Variants in ZNF503 observed in about 807,000 individuals in gnomAD.
The protein encoded by ZNF503 is NocA-like zinc finger 2.
ZNF503 carries 15 observed loss-of-function variants against 34.4 expected under a neutral mutation model. The observed-to-expected ratio is 0.44, with a 90% CI of 0.29 to 0.67. ZNF503 has a LOEUF of 0.67. Ranked by LOEUF, ZNF503 falls within the 30% of genes least tolerant of loss-of-function variation. ZNF503 has a pLI of 0.13. For missense variants in ZNF503, 1,007 were observed against 926.8 expected, an observed-to-expected ratio of 1.09 and a Z score of -1.12; for synonymous variants, 580 against 456.8, an observed-to-expected ratio of 1.27 and a Z score of -3.44.
chr10:75,391,100 T>TG, the ZNF503 span, among the ~76,000 whole-genome samples: 10 of 152,152 alleles, frequency 6.6e-5, no homozygotes, highest in Admixed American at 1.3e-4. Flanking sequence ...ACAGTTACAT[T>TG]GGGGTGTAGA....
At chr10:75,359,236 G>A in the ZNF503 span, among the ~76,000 whole-genome samples, 4 of 152,208 alleles carry the variant, frequency 2.6e-5, no homozygotes, top group Non-Finnish European at 5.9e-5. Context: ...CCTGACCCTC[G>A]ATAGCTTTTA....
At chr10:75,334,101 C>T in the ZNF503 span, among the ~76,000 whole-genome samples, 1 of 143,136 alleles carries the variant, frequency 7.0e-6, no homozygotes, top group Non-Finnish European at 1.5e-5. Context: ...CGATGGGCGG[C>T]CAGGCAGAGA....
the ZNF503 span, among the ~76,000 whole-genome samples, chr10:75,369,992 G>A: frequency 1.3e-5 from 2 of 151,848 alleles, no homozygotes; most frequent in South Asian, 2.1e-4. Context: ...GCTTGAACCC[G>A]GGAGGTGGAG....
chr10:75,362,262 G>A, the ZNF503 span, among the ~76,000 whole-genome samples: 1 of 152,044 alleles, frequency 6.6e-6, no homozygotes, highest in South Asian at 2.1e-4. Flanking sequence ...GTTAGGGGTG[G>A]GGGATCCTGG....
At position 75,399,261 on chromosome 10, in the gene ZNF503, C is replaced by G; in HGVS notation, c.1429G>C (p.Gly477Arg). 1.3e-6 allele frequency: 2 copies of G among 1,597,032 alleles called. No individual in the cohort carries two copies. The highest frequency in any genetic ancestry group is 1.7e-6 in the Non-Finnish European group (2 of 1,171,966). Reference sequence around the variant, plus strand: ...GCGGCCGTTAGCGAGGAGTGCACACCGTGCAGCGGGTGCGTGGGGTACACC... The same window carrying G: ...GCGGCCGTTAGCGAGGAGTGCACACGGTGCAGCGGGTGCGTGGGGTACACC... The part of the protein sequence containing the change: ...PLVYPTHPLH[G>R]VHSSLTAAAA... Residue 477 changes from glycine to arginine, a missense_variant, in exon 2 of 2, where the codon GGT becomes CGT. By Grantham distance (125) the Gly-to-Arg change is moderately radical (BLOSUM62 -2). Transcript: ENST00000372524.
the ZNF503 span, among the ~76,000 whole-genome samples, chr10:75,292,888 T>C: frequency 6.6e-6 from 1 of 152,178 alleles, no homozygotes; most frequent in Non-Finnish European, 1.5e-5. Context: ...GAACATTGGC[T>C]TTGGTATTTT....
the ZNF503 span, among the ~76,000 whole-genome samples, chr10:75,285,234 C>T: frequency 6.6e-6 from 1 of 152,202 alleles, no homozygotes; most frequent in South Asian, 2.1e-4. Context: ...GGTACCATCT[C>T]CGTTTTACAG....
At chr10:75,380,275 C>T in the ZNF503 span, among the ~76,000 whole-genome samples, 2,773 of 152,272 alleles carry the variant, frequency 0.018, 92 homozygotes, top group African/African-American at 0.063. Context: ...TTCCAGGTCC[C>T]GTTCTCCCCA....
chr10:75,325,971 G>A, the ZNF503 span, among the ~76,000 whole-genome samples: 8 of 151,660 alleles, frequency 5.3e-5, no homozygotes, highest in South Asian at 2.1e-4. Flanking sequence ...TGATCCTCCC[G>A]CCTTGGCCTC....
chr10:75,339,975 G>A, the ZNF503 span, among the ~76,000 whole-genome samples: 3 of 152,030 alleles, frequency 2.0e-5, no homozygotes, highest in African/African-American at 4.8e-5. Context: ...CAGCACTTTG[G>A]GAGGTAAGGC....
chr10:75,361,079 CCT>C, the ZNF503 span: 1 of 152,206 alleles, frequency 6.6e-6, no homozygotes, highest in Non-Finnish European at 1.5e-5. Context: ...TCCTCTGACC[CCT>C]GTTACTGTGA....
At chr10:75,372,781 G>C in the ZNF503 span, among the ~76,000 whole-genome samples, 2 of 152,168 alleles carry the variant, frequency 1.3e-5, no homozygotes, top group African/African-American at 4.8e-5. Context: ...GAGAGTTCAG[G>C]GGGTATTTTC....
At chr10:75,381,068 C>G in the ZNF503 span, among the ~76,000 whole-genome samples, 2 of 152,332 alleles carry the variant, frequency 1.3e-5, no homozygotes, top group Admixed American at 6.5e-5. Flanking sequence ...TGTAATGAAA[C>G]CCTGATTTGT....
At chr10:75,282,061 C>T in the ZNF503 span, among the ~76,000 whole-genome samples, 4 of 152,234 alleles carry the variant, frequency 2.6e-5, no homozygotes, top group Non-Finnish European at 5.9e-5. Context: ...CCCGCTCCTT[C>T]CCTGTTAACA....
At position 75,401,608 on chromosome 10, in the gene ZNF503, CGGAGCCGTGGCCGGGCTAGA is replaced by C. The variant is rs1248836933; in HGVS notation, c.-209_-190del. On this transcript the variant is annotated 5_prime_UTR_variant, in exon 1 of 2. Coordinates refer to ENST00000372524, the MANE Select transcript of ZNF503 (RefSeq NM_032772.6). ...GCGAGTAATCCTGGGTGGCCCGCAG[CGGAGCCGTGGCCGGGCTAGA>C]GGAGCCGGCTGGACTGCGGGAGTGC... 7 of 691,866 alleles carry C rather than the reference CGGAGCCGTGGCCGGGCTAGA, an allele frequency of 1.0e-5. No individual in the cohort carries two copies. In the Admixed American group the frequency reaches 1.8e-4, roughly 17 times the overall value. 42.9% of individuals were successfully genotyped at this position (691,866 alleles called of 1,614,324 possible). A position where few individuals can be genotyped will look rare whatever the true frequency, so the allele number is the denominator to read the frequency against.
chr10:75,359,883 G>C, the ZNF503 span, among the ~76,000 whole-genome samples: 1 of 152,084 alleles, frequency 6.6e-6, no homozygotes, highest in Non-Finnish European at 1.5e-5. Flanking sequence ...ACCTGAGAGT[G>C]AAGCCAATCA....
At chr10:75,306,346 T>G in the ZNF503 span, among the ~76,000 whole-genome samples, 19 of 152,298 alleles carry the variant, frequency 1.2e-4, no homozygotes, top group Admixed American at 1.1e-3. Context: ...ATCTTTTTTT[T>G]GGGAAAAATG....
the ZNF503 span, among the ~76,000 whole-genome samples, chr10:75,369,833 G>A: frequency 8.5e-5 from 13 of 152,080 alleles, no homozygotes; most frequent in African/African-American, 1.9e-4. Context: ...TTGGGAGGCC[G>A]AGGTGGGCAG....
the ZNF503 span, among the ~76,000 whole-genome samples, chr10:75,390,038 A>G: frequency 5.3e-5 from 8 of 151,018 alleles, no homozygotes; most frequent in Admixed American, 3.3e-4. Context: ...GACTACAGGC[A>G]CCCCCCCACC....
Sources: gnomAD v4.1 joint callset for allele counts (sites outside exome capture counted in the v4.1 genomes callset) on GRCh38, gnomAD v4.1.1 for gene constraint, MANE v1.5 for transcripts, NCBI Gene and HGNC (gene_info 2026-07-23, HGNC 2026-07-21) for gene names.